Variants in RAB11FIP3 observed in about 807,000 individuals in gnomAD.
RAB11FIP3 encodes the protein rab11 family-interacting protein 3.
Under a neutral mutation model 77.8 loss-of-function variants are expected in RAB11FIP3, and 17 were observed. The observed-to-expected ratio is 0.22, with a 90% CI of 0.15 to 0.33. RAB11FIP3 has a LOEUF of 0.33. Ranked by LOEUF, RAB11FIP3 falls within the 10% of genes least tolerant of loss-of-function variation. The pLI, the probability that RAB11FIP3 is intolerant of heterozygous loss-of-function variation, is 1.00. For missense variants in RAB11FIP3, 1,005 were observed against 1,011.2 expected, an observed-to-expected ratio of 0.99 and a Z score of 0.08; for synonymous variants, 437 against 448.2, an observed-to-expected ratio of 0.98 and a Z score of 0.31.
At chr16:517,974 CG>C (rs1408069763) in intron 9 of RAB11FIP3, among the ~76,000 whole-genome samples, 1 of 151,836 alleles carries the variant, frequency 6.6e-6, no homozygotes, top group African/African-American at 2.4e-5. Flanking sequence ...CCCAGCTACT[CG>C]GGAGGCTGAG....
chr16:519,205 AG>A (rs1374794126), intron 10 of RAB11FIP3, 181 bp downstream of exon 10: 1 of 627,292 alleles, frequency 1.6e-6, no homozygotes, highest in East Asian at 2.7e-5. Flanking sequence ...CCACAGGAGC[AG>A]GGCCCAGAGG....
At chr16:458,717 A>AT in intron 1 of RAB11FIP3, among the ~76,000 whole-genome samples, 1 of 150,854 alleles carries the variant, frequency 6.6e-6, no homozygotes, top group Non-Finnish European at 1.5e-5. Context: ...CCTGTCCCTG[A>AT]GCATTTTCAC....
intron 4 of RAB11FIP3, among the ~76,000 whole-genome samples, chr16:488,457 GGAGTGTA>G (rs1176105911): frequency 6.6e-6 from 1 of 152,046 alleles, no homozygotes; most frequent in East Asian, 1.9e-4. Flanking sequence ...CACCCAGGCT[GGAGTGTA>G]GTGGCATCAT....
chr16:435,759 A>G (rs569335200), intron 1 of RAB11FIP3, among the ~76,000 whole-genome samples: 34 of 152,112 alleles, frequency 2.2e-4, no homozygotes, highest in Admixed American at 6.5e-4. Flanking sequence ...AAAAATCATT[A>G]CAGTTGGTAG....
chr16:505,547 G>A lies in RAB11FIP3; in HGVS notation c.1419G>A (p.Val473=), dbSNP rs751107517. Residue 473 remains valine, a synonymous_variant, in exon 8 of 14, where the codon GTG becomes GTA. Transcript: ENST00000262305. This position sits in a 1 kb window ranked among gnomAD's most constrained non-coding sequence, Gnocchi z 4.0. ...AGGTTGTCTTCCTGGAAAGGCGTGT[G>A]CTGGAGCTGGAAAAGGACACGGCAG... ...ADKVVFLERR[V]LELEKDTAAT... is the part of the protein sequence containing the mutation. The A allele has an allele frequency of 5.2e-5, 84 of 1,608,852 alleles. 1 individual carries two copies. In the Middle Eastern group the frequency reaches 8.2e-4, roughly 16 times the overall value.
At position 514,341 on chromosome 16, in the gene RAB11FIP3, T is replaced by G. The variant is rs1025654677; in HGVS notation, c.1640+3541T>G. Among the ~76,000 whole-genome samples the G allele has an allele frequency of 6.6e-6, 1 of 152,022 alleles. No homozygotes were observed. Among genetic ancestry groups the G allele is most frequent in the African/African-American group, 2.4e-5 (1 of 41,268 alleles). ...GCCCATCTGGTGTACAGGAAGACCC[T>G]GGTCAGTGCAAAGACACTGTCTCAG... On this transcript the variant is annotated intron_variant, in intron 9 of 13. Transcript: ENST00000262305. This position sits in a 1 kb window ranked among gnomAD's most constrained non-coding sequence, Gnocchi z 4.6.
chr16:436,056 A>G (rs1049869661), intron 1 of RAB11FIP3, among the ~76,000 whole-genome samples: 1 of 152,138 alleles, frequency 6.6e-6, no homozygotes, highest in African/African-American at 2.4e-5. Context: ...CACACCTGTA[A>G]TCCCAGCACT....
chr16:518,463 G>A (rs965406243), intron 9 of RAB11FIP3, among the ~76,000 whole-genome samples: 13 of 151,982 alleles, frequency 8.6e-5, no homozygotes, highest in Non-Finnish European at 1.6e-4. Context: ...GGGGTGGCTC[G>A]CGCCTGTAAT....
At chr16:440,569 G>A (rs1021895567) in intron 1 of RAB11FIP3, among the ~76,000 whole-genome samples, 3 of 152,214 alleles carry the variant, frequency 2.0e-5, no homozygotes, top group Non-Finnish European at 4.4e-5. Flanking sequence ...ATTTCCTGAA[G>A]GGATTTTCTC....
In RAB11FIP3 at chr16:472,562, G is replaced by A. The variant is rs2141687166; in HGVS notation, c.903+1173G>A. On this transcript the variant is annotated intron_variant, in intron 3 of 13. Coordinates refer to ENST00000262305, the MANE Select transcript of RAB11FIP3 (RefSeq NM_014700.4). The surrounding 1 kb of genome is among the most constrained non-coding windows in gnomAD (Gnocchi z 4.1). ...TGAGAAGGACCCGGCTTCTTCACGA[G>A]GAGATGCCCAAGGCTCTGCAGGGTA... Among the ~76,000 whole-genome samples the A allele has an allele frequency of 6.6e-6, 1 of 152,350 alleles. No homozygotes were observed. The highest frequency in any genetic ancestry group is 3.4e-3 in the Middle Eastern group (1 of 294).
intron 1 of RAB11FIP3, among the ~76,000 whole-genome samples, chr16:444,479 A>G (rs2055278450): frequency 6.6e-6 from 1 of 152,250 alleles, no homozygotes. Context: ...CCTGCAGAAT[A>G]AAGCTGCAGT....
At chr16:436,858 G>A (rs2055138569) in intron 1 of RAB11FIP3, among the ~76,000 whole-genome samples, 3 of 152,136 alleles carry the variant, frequency 2.0e-5, no homozygotes, top group South Asian at 2.1e-4. Context: ...GAGATTATGG[G>A]CGTAACCATC....
intron 6 of RAB11FIP3, chr16:502,764 ACT>A (rs574781800): frequency 1.8e-4 from 101 of 550,222 alleles, no homozygotes; most frequent in Admixed American, 1.8e-4. Flanking sequence ...CGCCAGGAAG[ACT>A]CTGAGACCAC....
intron 9 of RAB11FIP3, among the ~76,000 whole-genome samples, chr16:515,565 C>T (rs550658521): frequency 5.7e-4 from 83 of 146,104 alleles, no homozygotes; most frequent in African/African-American, 1.9e-3. Context: ...GCCACACGGG[C>T]GACACGGACC....
chr16:502,212 G>A (rs536603601), intron 6 of RAB11FIP3, among the ~76,000 whole-genome samples: 55 of 152,382 alleles, frequency 3.6e-4, no homozygotes, highest in African/African-American at 1.3e-3. Context: ...TCACCACAGC[G>A]AATCTGACCA....
In RAB11FIP3 at chr16:520,189, G is replaced by A. The variant is rs371078762; in HGVS notation, c.1928G>A (p.Arg643Gln). The stretch of plus-strand genomic sequence containing the variant: ...CTCAAGCTGGAGGCCGAGCAGCGGC[G>A]GGGCCGCAGCAGCAGCATGGGCCTG... ...QLLKLEAEQRRGRSSSMGLQE... is the reference protein window; with the variant it reads ...QLLKLEAEQRQGRSSSMGLQE... The change falls in exon 12 of 14, where the codon CGG becomes CAG. Residue 643 changes from arginine to glutamine, a missense_variant. Around this residue, in one of 4 missense-constraint regions of RAB11FIP3, gnomAD observed 433 missense variants for 436.1 expected, o/e 0.99. Transcript: ENST00000262305. 6.3e-5 allele frequency: 97 copies of A among 1,545,618 alleles called. No individual in the cohort carries two copies. The African/African-American group carries it at 7.2e-4, about 12-fold the overall frequency.
chr16:496,942 T>C, intron 6 of RAB11FIP3, 83 bp downstream of exon 6: 1 of 1,412,030 alleles, frequency 7.1e-7, no homozygotes, highest in East Asian at 2.3e-5. Flanking sequence ...TTTAAAATGT[T>C]CTTTTCCAAG....
At position 425,659 on chromosome 16, in the gene RAB11FIP3, G is replaced by C. The variant is rs909881353; in HGVS notation, c.-348G>C. ...TACCTCAGGCGCCTCAGCCTCCTTA[G>C]TCTCCTCATCCTGCTTCACAGGCTC... On this transcript the variant is annotated 5_prime_UTR_variant, in exon 1 of 14. Transcript: ENST00000262305. The C allele has an allele frequency of 2.2e-4, 48 of 222,610 alleles. No homozygotes were observed. Among genetic ancestry groups the C allele is most frequent in the Non-Finnish European group, 6.2e-5 (7 of 112,670 alleles). 13.8% of individuals were successfully genotyped at this position (222,610 alleles called of 1,614,324 possible). A position where few individuals can be genotyped will look rare whatever the true frequency, so the allele number is the denominator to read the frequency against.
At chr16:492,134 C>A (rs534236348) in intron 5 of RAB11FIP3, among the ~76,000 whole-genome samples, 1 of 152,208 alleles carries the variant, frequency 6.6e-6, no homozygotes. Flanking sequence ...TGCTGGCGGG[C>A]GCTCACTGCC....
Sources: gnomAD v4.1 joint callset for allele counts (sites outside exome capture counted in the v4.1 genomes callset) on GRCh38, gnomAD v4.1.1 for gene constraint, gnomAD v4.1.1 regional missense constraint, Gnocchi (gnomAD v3.1) non-coding constraint, MANE v1.5 for transcripts, NCBI Gene and HGNC (gene_info 2026-07-23, HGNC 2026-07-21) for gene names.